UBE4A: variants seen among roughly 807,000 people sequenced by gnomAD.
UBE4A encodes the protein ubiquitin conjugation factor E4 A.
A neutral mutation model predicts 117.9 loss-of-function variants in UBE4A; 48 were observed. The ratio of observed to expected loss-of-function variants is 0.41; its 90% CI spans 0.32 to 0.52. The LOEUF (loss-of-function observed/expected upper bound fraction) is 0.52. UBE4A is among the 20% of genes least tolerant of loss of function. The probability of loss-of-function intolerance (pLI) is 0.33; values close to 1 mark genes in which losing one functional copy is unlikely to be tolerated. For missense variants in UBE4A, 1,067 were observed against 1,296.3 expected (o/e 0.82, Z 2.72); for synonymous variants, 407 against 450.0 (o/e 0.90, Z 1.21).
chr11:118,386,143 T>G (rs1333099954), intron 15 of UBE4A, among the ~76,000 whole-genome samples: 1 of 152,156 alleles, frequency 6.6e-6, no homozygotes, highest in Non-Finnish European at 1.5e-5. Context: ...TGGCCTGGGT[T>G]TCATATATTA....
intron 16 of UBE4A, among the ~76,000 whole-genome samples, chr11:118,388,085 A>G (rs1555127528): frequency 1.3e-5 from 2 of 152,206 alleles, no homozygotes; most frequent in Non-Finnish European, 2.9e-5. Flanking sequence ...TTATACTAAA[A>G]AGGAACTATA....
At position 118,387,213 on chromosome 11, in the gene UBE4A, CTAA is replaced by C. The variant is rs1460903481; in HGVS notation, c.2587+603_2587+605del. On this transcript the variant is annotated intron_variant, in intron 16 of 19. Transcript: ENST00000252108. ...ATCACCAGACATTTGAGGAAATCCT[CTAA>C]TGTGAAAAACAAATAGGTGAAAACT... Among the ~76,000 whole-genome samples, 3 of 152,044 alleles carry C rather than the reference CTAA, an allele frequency of 2.0e-5. 1 individual carries two copies. Among genetic ancestry groups the C allele is most frequent in the African/African-American group, 7.2e-5 (3 of 41,382 alleles).
chr11:118,367,758 A>G lies in UBE4A; in HGVS notation c.122-873A>G, dbSNP rs536174785. On this transcript the variant is annotated intron_variant, in intron 2 of 19. Transcript: ENST00000252108. ...CGTGATCCGCCTGCCTCAGCCTCCC[A>G]AAGTGCTGGGATTACAGGTGTGAGC... is the stretch of plus-strand genomic sequence containing the variant. Among the ~76,000 whole-genome samples, 7 of 152,182 alleles carry G rather than the reference A, an allele frequency of 4.6e-5. No homozygotes were observed. The East Asian group carries it at 1.4e-3, about 29-fold the overall frequency.
rs1948897119 is a variant in UBE4A, at chr11:118,398,643, C to G, written c.*2203C>G. On this transcript the variant is annotated 3_prime_UTR_variant, in exon 20 of 20. Coordinates refer to ENST00000252108, the MANE Select transcript of UBE4A (RefSeq NM_001204077.2). The stretch of plus-strand genomic sequence containing the variant: ...CTCTAAATCTAGTAGAGCAGACTTT[C>G]TAACATACCTAGTTTTGTGTATTGG... The G allele has an allele frequency of 6.5e-6, 1 of 152,984 alleles. No individual in the cohort carries two copies. Among genetic ancestry groups the G allele is most frequent in the African/African-American group, 2.4e-5 (1 of 41,434 alleles). The allele number at this position is 152,984 out of a possible 1,614,324, so 9.5% of individuals were successfully genotyped here.
At chr11:118,395,148 G>A (rs1948858078) in intron 19 of UBE4A, among the ~76,000 whole-genome samples, 1 of 151,868 alleles carries the variant, frequency 6.6e-6, no homozygotes, top group Non-Finnish European at 1.5e-5. Flanking sequence ...GGTCAACATG[G>A]TGAAACCCCA....
chr11:118,369,526 T>G lies in UBE4A; in HGVS notation c.399T>G (p.Asn133Lys), dbSNP rs749089530. 6.2e-7 allele frequency: 1 copy of G among 1,613,884 alleles called. No homozygotes were observed. The stretch of plus-strand genomic sequence containing the variant: ...ATCAAGACTGGCTTGATATGAGCAA[T>G]GTTGAGCAGGTAATATTCTTACGTT... The part of the protein sequence containing the change: ...LEDQDWLDMS[N>K]VEQALFARLL... The change falls in exon 4 of 20, where the codon AAT (asparagine) becomes AAG (lysine). Residue 133 changes from asparagine to lysine, a missense_variant. Physicochemically the swap from Asn to Lys is moderately conservative, Grantham distance 94. Coordinates refer to ENST00000252108, the MANE Select transcript of UBE4A (RefSeq NM_001204077.2).
Position 118,379,487 on chromosome 11 carries a change from G to A in UBE4A, c.1613G>A (p.Arg538Gln), listed in dbSNP as rs201595717. 36 of 1,614,014 alleles carry A rather than the reference G, an allele frequency of 2.2e-5. No individual in the cohort carries two copies. Among genetic ancestry groups the A allele is most frequent in the African/African-American group, 6.7e-5 (5 of 75,020 alleles). The change falls in exon 11 of 20, where the codon CGG (arginine) becomes CAG (glutamine). Residue 538 changes from arginine (R) to glutamine (Q), a missense_variant. Coordinates refer to ENST00000252108, the MANE Select transcript of UBE4A (RefSeq NM_001204077.2). The part of the protein sequence containing the change: ...QMVKINQNLH[R>Q]LQVAWRDAQQ... ...GTAAAAATCAACCAAAATCTGCATC[G>A]GCTGCAGGTTGCCTGGCGGGATGCT...
chr11:118,382,884 G>T, intron 13 of UBE4A, 108 bp downstream of exon 13: 2 of 1,012,066 alleles, frequency 2.0e-6, no homozygotes, highest in Non-Finnish European at 2.6e-6. Context: ...ATTACTTATT[G>T]AATACCTACT....
chr11:118,375,280 T>C, intron 9 of UBE4A, 51 bp downstream of exon 9: 8 of 1,449,642 alleles, frequency 5.5e-6, no homozygotes, highest in Non-Finnish European at 7.4e-6. Flanking sequence ...GTGTGTAACG[T>C]GTAAAGCATT....
At chr11:118,395,331 GAAAA>G (rs34524305) in intron 19 of UBE4A, among the ~76,000 whole-genome samples, 1 of 97,980 alleles carries the variant, frequency 1.0e-5, no homozygotes, top group South Asian at 3.1e-4. Context: ...CTCCATCTCA[GAAAA>G]AAAAAAAAAA....
chr11:118,375,102 T>C lies in UBE4A; in HGVS notation c.1323T>C (p.Ala441=). 6.2e-7 allele frequency: 1 copy of C among 1,614,214 alleles called. No individual in the cohort carries two copies. The highest frequency in any genetic ancestry group is 8.5e-7 in the Non-Finnish European group (1 of 1,180,030). Residue 441 remains alanine, a synonymous_variant, in exon 9 of 20, where the codon GCT becomes GCC. Coordinates refer to ENST00000252108, the MANE Select transcript of UBE4A (RefSeq NM_001204077.2). ...SDAFFLNLGA[A]LLKLCQPFCK... is the part of the protein sequence containing the mutation. ...CTTTCTTTCTGAATCTGGGTGCTGC[T>C]CTCCTGAAGCTATGCCAGCCATTTT...
Position 118,397,978 on chromosome 11 carries a change from G to C in UBE4A, c.*1538G>C, listed in dbSNP as rs1328083922. 1 of 152,522 alleles carries C rather than the reference G, an allele frequency of 6.6e-6. No homozygotes were observed. The highest frequency in any genetic ancestry group is 6.6e-5 in the Admixed American group (1 of 15,262). The allele number at this position is 152,522 out of a possible 1,614,324, so 9.4% of individuals were successfully genotyped here. A position where few individuals can be genotyped will look rare whatever the true frequency, so the allele number is the denominator to read the frequency against. ...CACTTTTGCAAATGCCAGAATGTAA[G>C]ATTCATTCAGTGTGCTCCCTGGGCC... On this transcript the variant is annotated 3_prime_UTR_variant, in exon 20 of 20. Transcript: ENST00000252108.
intron 4 of UBE4A, 67 bp from the exon 5 acceptor site, chr11:118,371,447 T>G: frequency 6.6e-7 from 1 of 1,518,844 alleles, no homozygotes; most frequent in East Asian, 2.3e-5. Flanking sequence ...AGAATTACCT[T>G]TTACATCTTA....
intron 18 of UBE4A, 118 bp from the exon 19 acceptor site, chr11:118,392,620 C>A: frequency 1.1e-6 from 1 of 951,100 alleles, no homozygotes; most frequent in Non-Finnish European, 1.5e-6. Flanking sequence ...CTGTCACTGT[C>A]AAGGGTTATT....
At chr11:118,385,854 G>A (rs1948752132) in intron 15 of UBE4A, among the ~76,000 whole-genome samples, 1 of 152,214 alleles carries the variant, frequency 6.6e-6, no homozygotes, top group South Asian at 2.1e-4. Context: ...AATAGGTCCT[G>A]TTACAAACAG....
intron 1 of UBE4A, among the ~76,000 whole-genome samples, chr11:118,361,787 G>C (rs1255667767): frequency 6.6e-6 from 1 of 152,156 alleles, no homozygotes; most frequent in African/African-American, 2.4e-5. Flanking sequence ...GTAGGGTCAT[G>C]GGTGATGCTG....
rs1407586457 is a variant in UBE4A at position 118,382,699 on chromosome 11, G to A, written c.2120G>A (p.Arg707His). Reference sequence around the variant, plus strand: ...GTATCCAGTGTGTTCCACCGGAAACGTGTGTTCTGCAACTTTCAGTATGCA... The same window carrying A: ...GTATCCAGTGTGTTCCACCGGAAACATGTGTTCTGCAACTTTCAGTATGCA... ...PLVSSVFHRK[R>H]VFCNFQYAPQ... The change falls in exon 13 of 20, where the codon CGT becomes CAT. Residue 707 changes from arginine (R) to histidine (H), a missense_variant. Arg to His is a conservative substitution (Grantham distance 29). Transcript: ENST00000252108. The A allele has an allele frequency of 1.6e-5, 25 of 1,605,024 alleles. No individual in the cohort carries two copies. Among genetic ancestry groups the A allele is most frequent in the African/African-American group, 4.0e-5 (3 of 74,630 alleles).
chr11:118,371,039 A>G (rs1948604317), intron 4 of UBE4A, among the ~76,000 whole-genome samples: 1 of 152,234 alleles, frequency 6.6e-6, no homozygotes, highest in African/African-American at 2.4e-5. Flanking sequence ...GGAGACAAAC[A>G]TATAAACCAC....
rs1283274907 is a variant in UBE4A, at chr11:118,397,237, T to C, written c.*797T>C. 4 of 152,158 alleles carry C rather than the reference T, an allele frequency of 2.6e-5. No individual in the cohort carries two copies. Among genetic ancestry groups the C allele is most frequent in the African/African-American group, 9.7e-5 (4 of 41,416 alleles). The allele number at this position is 152,158 out of a possible 1,614,324, so 9.4% of individuals were successfully genotyped here. A position where few individuals can be genotyped will look rare whatever the true frequency, so the allele number is the denominator to read the frequency against. On this transcript the variant is annotated 3_prime_UTR_variant, in exon 20 of 20. Coordinates refer to ENST00000252108, the MANE Select transcript of UBE4A (RefSeq NM_001204077.2). ...TATCATATCCATGAAAAATGTCATT[T>C]TAAGACACTAATATCAACAGTATAT...
Sources: gnomAD v4.1 joint callset for allele counts (sites outside exome capture counted in the v4.1 genomes callset) on GRCh38, gnomAD v4.1.1 for gene constraint, MANE v1.5 for transcripts, NCBI Gene and HGNC (gene_info 2026-07-23, HGNC 2026-07-21) for gene names.